The following GLIS3 variants were observed in gnomAD, a reference collection of about 807,000 sequenced individuals.
GLIS3 encodes the protein GLIS family zinc finger 3.
Under a neutral mutation model 78.6 loss-of-function variants are expected in GLIS3, and 53 were observed. The ratio of observed to expected loss-of-function variants is 0.67; its 90% confidence interval spans 0.54 to 0.85. The LOEUF (loss-of-function observed/expected upper bound fraction) is 0.85. Among genes scored for constraint, GLIS3 ranks in the 40% least tolerant of loss-of-function variants. The pLI is 0.00. For synonymous variants in GLIS3, 684 were observed against 509.9 expected, an observed-to-expected ratio of 1.34 and a Z score of -4.60; for missense variants, 1,703 against 1,231.1, an observed-to-expected ratio of 1.38 and a Z score of -5.74.
intron 9 of GLIS3, 72 bp downstream of exon 9, chr9:3,855,937 G>T: frequency 6.6e-7 from 1 of 1,518,662 alleles, no homozygotes; most frequent in East Asian, 2.3e-5. Context: ...ATCCACGACA[G>T]GTAACTAAGA....
intron 2 of GLIS3, among the ~76,000 whole-genome samples, chr9:4,256,406 T>C (rs1421038643): frequency 6.6e-6 from 1 of 152,186 alleles, no homozygotes; most frequent in Non-Finnish European, 1.5e-5. Context: ...TAACAATCAA[T>C]GAAATCCAAT....
intron 4 of GLIS3, among the ~76,000 whole-genome samples, chr9:4,089,347 T>A (rs77146196): frequency 1.4e-5 from 2 of 146,678 alleles, no homozygotes; most frequent in Non-Finnish European, 1.5e-5. Context: ...GTGGATAACA[T>A]TTTTTTTTCC....
At chr9:4,194,005 G>A (rs1463728342) in intron 2 of GLIS3, among the ~76,000 whole-genome samples, 1 of 152,068 alleles carries the variant, frequency 6.6e-6, no homozygotes, top group African/African-American at 2.4e-5. Flanking sequence ...TAATTTTGTG[G>A]CTGCTGATGT....
chr9:4,409,512 T>C, the GLIS3 span, among the ~76,000 whole-genome samples: 1 of 152,202 alleles, frequency 6.6e-6, no homozygotes, highest in Non-Finnish European at 1.5e-5. Flanking sequence ...CAGTCTCCTA[T>C]GTCATTCATT....
the GLIS3 span, among the ~76,000 whole-genome samples, chr9:4,390,444 T>G: frequency 6.6e-6 from 1 of 152,150 alleles, no homozygotes; most frequent in Non-Finnish European, 1.5e-5. Flanking sequence ...TATCTCATTG[T>G]ACCCGCAAAC....
chr9:4,464,748 A>G, the GLIS3 span, among the ~76,000 whole-genome samples: 1 of 152,240 alleles, frequency 6.6e-6, no homozygotes, highest in Non-Finnish European at 1.5e-5. Flanking sequence ...AAGTTCAAAG[A>G]AAATCTTAGG....
chr9:3,923,018 T>A (rs566744179), intron 6 of GLIS3, among the ~76,000 whole-genome samples: 2 of 152,262 alleles, frequency 1.3e-5, no homozygotes, highest in South Asian at 4.1e-4. Flanking sequence ...CCAAGATAAT[T>A]AGCCAAGTCT....
intron 4 of GLIS3, among the ~76,000 whole-genome samples, chr9:4,002,162 T>C (rs530070747): frequency 1.3e-5 from 2 of 152,264 alleles, no homozygotes; most frequent in Admixed American, 1.3e-4. Context: ...CATTGAGTAG[T>C]AGGAGATGTG....
At chr9:3,876,636 G>GAC (rs1025609883) in intron 8 of GLIS3, among the ~76,000 whole-genome samples, 2 of 57,910 alleles carry the variant, frequency 3.5e-5, no homozygotes, top group African/African-American at 1.6e-4. Flanking sequence ...ACCAAAGTCA[G>GAC]AGAGAGAGAG....
chr9:4,102,095 C>T (rs1403044895), intron 4 of GLIS3, among the ~76,000 whole-genome samples: 1 of 152,142 alleles, frequency 6.6e-6, no homozygotes, highest in Non-Finnish European at 1.5e-5. Context: ...ATTTCTGCCC[C>T]AGGGTTTCTC....
chr9:4,410,073 T>G, the GLIS3 span, among the ~76,000 whole-genome samples: 1 of 151,884 alleles, frequency 6.6e-6, no homozygotes, highest in Non-Finnish European at 1.5e-5. Flanking sequence ...CAGATTCAAG[T>G]GATCCTAGTG....
chr9:4,018,169 G>T (rs1376957093), intron 4 of GLIS3, among the ~76,000 whole-genome samples: 1 of 152,214 alleles, frequency 6.6e-6, no homozygotes, highest in Non-Finnish European at 1.5e-5. Flanking sequence ...AAGGAAAGGA[G>T]GTAGGAAAAC....
At chr9:3,936,951 C>G (rs556307955) in intron 5 of GLIS3, 77 bp downstream of exon 5, 25 of 1,582,604 alleles carry the variant, frequency 1.6e-5, no homozygotes, top group Non-Finnish European at 2.1e-5. Flanking sequence ...GCAAACACTT[C>G]ACCAGCCCAC....
chr9:3,926,038 C>T (rs1825200267), intron 6 of GLIS3, among the ~76,000 whole-genome samples: 1 of 152,150 alleles, frequency 6.6e-6, no homozygotes, highest in Non-Finnish European at 1.5e-5. Flanking sequence ...CTAAGCTATG[C>T]TTTTCACTGT....
intron 2 of GLIS3, among the ~76,000 whole-genome samples, chr9:4,236,942 G>C (rs1822811599): frequency 6.6e-6 from 1 of 152,034 alleles, no homozygotes; most frequent in South Asian, 2.1e-4. Context: ...GATGGGCTCA[G>C]CATCGTCTCA....
chr9:3,937,255 TA>T (rs565026906), intron 4 of GLIS3, 66 bp from the exon 5 acceptor site: 8,173 of 1,379,066 alleles, frequency 5.9e-3, no homozygotes, highest in Non-Finnish European at 6.5e-3. Flanking sequence ...GGGGGACAGC[TA>T]AAAAAAAAAT....
chr9:3,936,435 T>A (rs1433321309), intron 5 of GLIS3, among the ~76,000 whole-genome samples: 1 of 152,170 alleles, frequency 6.6e-6, no homozygotes, highest in Non-Finnish European at 1.5e-5. Context: ...AAAGAATATG[T>A]GGCTGCTAAC....
chr9:4,002,215 C>G (rs1821168161), intron 4 of GLIS3, among the ~76,000 whole-genome samples: 1 of 152,124 alleles, frequency 6.6e-6, no homozygotes, highest in African/African-American at 2.4e-5. Context: ...TAAGAGGTCA[C>G]AAGCCAAGGA....
chr9:4,395,197 G>C, the GLIS3 span, among the ~76,000 whole-genome samples: 1 of 152,106 alleles, frequency 6.6e-6, no homozygotes, highest in Admixed American at 6.5e-5. Context: ...TAGTAATTCA[G>C]CATATTAAAC....
Sources: allele counts gnomAD v4.1 joint callset (sites outside exome capture counted in the v4.1 genomes callset), GRCh38; gene constraint gnomAD v4.1.1; transcripts MANE v1.5; gene names NCBI Gene and HGNC (gene_info 2026-07-23, HGNC 2026-07-21).